Variants in NOSIP observed in about 807,000 individuals in gnomAD.
NOSIP encodes the protein nitric oxide synthase-interacting protein.
NOSIP carries 25 observed loss-of-function variants against 36.4 expected under a neutral mutation model. The observed-to-expected ratio is 0.69, with a 90% CI of 0.50 to 0.96. The LOEUF (loss-of-function observed/expected upper bound fraction) is 0.96. Among genes scored for constraint, NOSIP ranks in the 40% least tolerant of loss-of-function variants. NOSIP has a pLI of 0.00. For synonymous variants in NOSIP, 187 were observed against 179.2 expected (o/e 1.04, Z -0.35); for missense variants, 370 against 429.0 (o/e 0.86, Z 1.21).
At chr19:49,575,788 G>A (rs572692006) in intron 1 of NOSIP, among the ~76,000 whole-genome samples, 1 of 152,248 alleles carries the variant, frequency 6.6e-6, no homozygotes, top group South Asian at 2.1e-4. Flanking sequence ...ACATATAATT[G>A]TCATAGGTCA....
At position 49,556,626 on chromosome 19, in the gene NOSIP, G is replaced by A; in HGVS notation, c.648C>T (p.Thr216=). The change falls in exon 7 of 9, where the codon ACC becomes ACT. Residue 216 remains threonine (T), a synonymous_variant. Coordinates refer to ENST00000596358, the MANE Select transcript of NOSIP (RefSeq NM_001270960.2). ...CGGCACACACGTAGCGCTCGCTGCG[G>A]GTGATGAGCCCCACGCGGTCCACGG... ...DSSVDRVGLI[T]RSERYVCAVT... is the part of the protein sequence containing the mutation. 1 of 1,609,180 alleles carries A rather than the reference G, an allele frequency of 6.2e-7. No homozygotes were observed. Among genetic ancestry groups the A allele is most frequent in the Non-Finnish European group, 8.5e-7 (1 of 1,179,760 alleles).
At chr19:49,556,258 G>C in intron 8 of NOSIP, 59 bp downstream of exon 8, 1 of 968,698 alleles carries the variant, frequency 1.0e-6, no homozygotes, top group Non-Finnish European at 1.5e-6. Context: ...CTTGGAGGGG[G>C]TGAAGGGGAG....
chr19:49,556,827 A>ACCCTGGCG, intron 6 of NOSIP, 48 bp downstream of exon 6: 3 of 1,595,514 alleles, frequency 1.9e-6, no homozygotes, highest in South Asian at 1.1e-5. Flanking sequence ...ACGGTGGGGA[A>ACCCTGGCG]CCCTGGCGCC....
Position 49,560,656 on chromosome 19 carries a change from G to A in NOSIP, c.36C>T (p.Ala12=), listed in dbSNP as rs1215882930. ...TCTTCTTCTCGTGGTAGGTGTAGAC[G>A]GCCCCTGCGGTGCAGTTCTTGCCAT... The part of the protein sequence containing the change: ...TRHGKNCTAG[A]VYTYHEKKKD... Residue 12 remains alanine (A), a synonymous_variant, in exon 2 of 9, where the codon GCC becomes GCT. Transcript: ENST00000596358. The surrounding 1 kb of genome is among the most constrained non-coding windows in gnomAD (Gnocchi z 4.6). 1.7e-5 allele frequency: 27 copies of A among 1,596,452 alleles called. No homozygotes were observed. The highest frequency in any genetic ancestry group is 2.3e-5 in the South Asian group (2 of 87,952).
At chr19:49,564,467 A>AAAAAAAAAAC in intron 1 of NOSIP, among the ~76,000 whole-genome samples, 1 of 151,462 alleles carries the variant, frequency 6.6e-6, no homozygotes, top group Non-Finnish European at 1.5e-5. Flanking sequence ...AAAAAAAAAA[A>AAAAAAAAAAC]AAAAAAAAAC....
intron 1 of NOSIP, among the ~76,000 whole-genome samples, chr19:49,564,223 C>A (rs779102066): frequency 6.6e-6 from 1 of 151,972 alleles, no homozygotes; most frequent in South Asian, 2.1e-4. Flanking sequence ...GAGGCTGAAG[C>A]GGGCAGATCA....
chr19:49,567,928 T>C (rs2080432594), intron 1 of NOSIP, among the ~76,000 whole-genome samples: 1 of 152,062 alleles, frequency 6.6e-6, no homozygotes, highest in Non-Finnish European at 1.5e-5. Context: ...TCTGGCCACC[T>C]TGGCTTCTCA....
intron 1 of NOSIP, among the ~76,000 whole-genome samples, chr19:49,563,670 T>A (rs2080365482): frequency 6.6e-6 from 1 of 151,896 alleles, no homozygotes; most frequent in South Asian, 2.1e-4. Context: ...ATTTTTTGTA[T>A]TTTTAGTAGA....
intron 1 of NOSIP, among the ~76,000 whole-genome samples, chr19:49,577,219 G>C (rs912973028): frequency 2.4e-4 from 37 of 152,124 alleles, no homozygotes; most frequent in Admixed American, 2.3e-3. Context: ...AGGTTAAATA[G>C]TCACCTTTTG....
At chr19:49,576,027 C>T (rs949098834) in intron 1 of NOSIP, among the ~76,000 whole-genome samples, 5 of 151,670 alleles carry the variant, frequency 3.3e-5, no homozygotes, top group Non-Finnish European at 7.4e-5. Flanking sequence ...CCCAGCTACT[C>T]CGGAAGCTGA....
chr19:49,567,956 G>A (rs2080432819), intron 1 of NOSIP, among the ~76,000 whole-genome samples: 1 of 152,060 alleles, frequency 6.6e-6, no homozygotes, highest in Admixed American at 6.6e-5. Context: ...GGGATTACAG[G>A]CATGAGCCAC....
At position 49,578,937 on chromosome 19, in the gene NOSIP, T is replaced by TA. The variant is rs572426945; in HGVS notation, c.-2+1577dup. On this transcript the variant is annotated intron_variant, in intron 1 of 8. Transcript: ENST00000596358. ...TGTGTCTGGCCTATTTTTAAATACT[T>TA]AAAAAAAAAAAGAAAGAAAACAGAA... is the stretch of plus-strand genomic sequence containing the variant. Among the ~76,000 whole-genome samples the TA allele has an allele frequency of 4.2e-3, 613 of 144,694 alleles. 1 individual carries two copies. The highest frequency in any genetic ancestry group is 5.2e-3 in the Non-Finnish European group (341 of 65,756). 94.9% of individuals were successfully genotyped at this position (144,694 alleles called of 152,430 possible). A position where few individuals can be genotyped will look rare whatever the true frequency, so the allele number is the denominator to read the frequency against.
In NOSIP at chr19:49,556,298, G is replaced by A; in HGVS notation, c.834+19C>T. ...GGGGCCTTGGAGTGCTGGGGGAAGG[G>A]GAGGGGTGGGACTCTTACCCGCTGC... On this transcript the variant is annotated intron_variant, in intron 8 of 8. Coordinates refer to ENST00000596358, the MANE Select transcript of NOSIP (RefSeq NM_001270960.2). The A allele has an allele frequency of 6.4e-7, 1 of 1,560,770 alleles. No homozygotes were observed. The highest frequency in any genetic ancestry group is 2.3e-5 in the East Asian group (1 of 43,632).
chr19:49,570,262 G>A (rs1359017393), intron 1 of NOSIP, among the ~76,000 whole-genome samples: 2 of 152,058 alleles, frequency 1.3e-5, no homozygotes, highest in African/African-American at 4.8e-5. Flanking sequence ...GGGTCCCACC[G>A]ATGTAAAAAG....
At chr19:49,575,023 C>A (rs1212010941) in intron 1 of NOSIP, among the ~76,000 whole-genome samples, 1 of 151,928 alleles carries the variant, frequency 6.6e-6, no homozygotes, top group Non-Finnish European at 1.5e-5. Context: ...CCACCATGCC[C>A]GGCTAATTTT....
chr19:49,556,134 C>CGGGGGGG (rs199673125), intron 8 of NOSIP, among the ~76,000 whole-genome samples, 183 bp downstream of exon 8: 1 of 53,570 alleles, frequency 1.9e-5, no homozygotes, highest in South Asian at 9.1e-4. Context: ...CCTAGGAGAG[C>CGGGGGGG]GGAGGGGGGG....
intron 1 of NOSIP, chr19:49,566,790 C>CATAT (rs1396220464): frequency 2.5e-5 from 3 of 117,702 alleles, no homozygotes; most frequent in African/African-American, 1.3e-4. Context: ...AATACATATA[C>CATAT]ATACATATAT....
At chr19:49,570,009 T>C (rs934541288) in intron 1 of NOSIP, among the ~76,000 whole-genome samples, 1 of 151,820 alleles carries the variant, frequency 6.6e-6, no homozygotes, top group African/African-American at 2.4e-5. Flanking sequence ...CTTGGGAGGC[T>C]GAGGCACAAG....
intron 1 of NOSIP, among the ~76,000 whole-genome samples, chr19:49,576,650 C>T (rs1442375464): frequency 2.6e-5 from 4 of 151,016 alleles, no homozygotes; most frequent in South Asian, 2.1e-4. Context: ...TTTGGGAGGC[C>T]GAGGTGGGCG....
Sources: gnomAD v4.1 joint callset for allele counts (sites outside exome capture counted in the v4.1 genomes callset) on GRCh38, gnomAD v4.1.1 for gene constraint, Gnocchi (gnomAD v3.1) non-coding constraint, MANE v1.5 for transcripts, NCBI Gene and HGNC (gene_info 2026-07-23, HGNC 2026-07-21) for gene names.